The following PTBP3 variants were observed in gnomAD, a reference collection of about 807,000 sequenced individuals.
PTBP3 encodes polypyrimidine tract-binding protein 3.
Under a neutral mutation model 58.7 loss-of-function variants are expected in PTBP3, and 20 were observed. The observed-to-expected ratio is 0.34, with a 90% CI of 0.24 to 0.50. The LOEUF is 0.50. PTBP3 is among the 20% of genes least tolerant of loss of function. The probability of loss-of-function intolerance (pLI) is 0.98; values close to 1 mark genes in which losing one functional copy is unlikely to be tolerated. For missense variants in PTBP3, 509 were observed against 637.2 expected (o/e 0.80, Z 2.17); for synonymous variants, 185 against 219.8 (o/e 0.84, Z 1.40).
chr9:112,301,028 T>C (rs1413871432), intron 1 of PTBP3, among the ~76,000 whole-genome samples: 1 of 151,820 alleles, frequency 6.6e-6, no homozygotes, highest in Non-Finnish European at 1.5e-5. Flanking sequence ...TTGTCAAATA[T>C]AAAAACTTTT....
intron 1 of PTBP3, among the ~76,000 whole-genome samples, chr9:112,300,836 C>A (rs1456518638): frequency 1.3e-5 from 2 of 152,032 alleles, no homozygotes; most frequent in African/African-American, 4.8e-5. Flanking sequence ...GTGGCTCACA[C>A]CTGTATTCCC....
Position 112,222,628 on chromosome 9 carries a change from T to C in PTBP3, c.*1223A>G, listed in dbSNP as rs1401777164. The C allele has an allele frequency of 3.0e-6, 3 of 985,620 alleles. No homozygotes were observed. Among genetic ancestry groups the C allele is most frequent in the Non-Finnish European group, 3.6e-6 (3 of 829,906 alleles). The allele number at this position is 985,620 out of a possible 1,614,324, so 61.1% of individuals were successfully genotyped here. The stretch of plus-strand genomic sequence containing the variant: ...CGTCTCTGCACCAAGCACCAAAAAT[T>C]TGATAAAAACTATTACTTATTGAAA... On this transcript the variant is annotated 3_prime_UTR_variant, in exon 14 of 14. Coordinates refer to ENST00000374257, the MANE Select transcript of PTBP3 (RefSeq NM_001163788.4).
chr9:112,223,843 C>A lies in PTBP3; in HGVS notation c.*8G>T, dbSNP rs1161817810. 1.2e-6 allele frequency: 2 copies of A among 1,613,176 alleles called. No homozygotes were observed. The highest frequency in any genetic ancestry group is 1.7e-6 in the Non-Finnish European group (2 of 1,179,554). On this transcript the variant is annotated 3_prime_UTR_variant, in exon 14 of 14. Transcript: ENST00000374257. Reference sequence around the variant, plus strand: ...GGTCCAGTTTTAGGAGAAAAATTCACAGAAAAGTCAGATTGTAGATTTTGA... The same window carrying A: ...GGTCCAGTTTTAGGAGAAAAATTCAAAGAAAAGTCAGATTGTAGATTTTGA...
chr9:112,236,335 A>G (rs187060858), intron 7 of PTBP3, among the ~76,000 whole-genome samples: 43 of 152,200 alleles, frequency 2.8e-4, no homozygotes, highest in Non-Finnish European at 4.1e-4. Flanking sequence ...ATACATGTTG[A>G]GAGCATATCA....
In PTBP3 at chr9:112,227,614, T is replaced by TA; in HGVS notation, c.1160dup (p.Ser388LysfsTer34). ...CTTTCCCATAAAGTCTCTGACCACT[T>TA]AGATGGTTCATTGCTAGTGCATGGG... On this transcript the variant is annotated frameshift_variant, in exon 12 of 14. Transcript: ENST00000374257. LOFTEE classifies it high-confidence loss of function. 1 of 1,613,878 alleles carries TA rather than the reference T, an allele frequency of 6.2e-7. No homozygotes were observed. The highest frequency in any genetic ancestry group is 8.5e-7 in the Non-Finnish European group (1 of 1,179,828).
the PTBP3 span, among the ~76,000 whole-genome samples, chr9:112,340,855 A>G: frequency 4.4e-3 from 656 of 149,090 alleles, 13 homozygotes; most frequent in African/African-American, 0.016. Context: ...CCGCTTGGGC[A>G]ACAAGAGCGA....
chr9:112,243,019 T>C (rs1035236049), intron 7 of PTBP3, among the ~76,000 whole-genome samples: 13 of 152,154 alleles, frequency 8.5e-5, no homozygotes, highest in Admixed American at 3.3e-4. Flanking sequence ...ATTGACCACA[T>C]CTGTGGATCT....
chr9:112,331,349 T>C (rs1319512383), intron 1 of PTBP3, among the ~76,000 whole-genome samples: 1 of 152,190 alleles, frequency 6.6e-6, no homozygotes, highest in Non-Finnish European at 1.5e-5. Flanking sequence ...CATACAAAAA[T>C]TCTTCTCTTC....
At chr9:112,357,614 G>A in the PTBP3 span, among the ~76,000 whole-genome samples, 1 of 152,218 alleles carries the variant, frequency 6.6e-6, no homozygotes, top group East Asian at 1.9e-4. Flanking sequence ...TTCCCAAAGT[G>A]TTGGGATTAC....
chr9:112,267,730 T>A (rs1007348581), intron 4 of PTBP3, among the ~76,000 whole-genome samples: 4 of 137,752 alleles, frequency 2.9e-5, no homozygotes, highest in African/African-American at 9.7e-5. Flanking sequence ...AATGCTTTTG[T>A]TAGAGTCTGT....
rs1303240278 is a variant in PTBP3 at position 112,219,728 on chromosome 9, A to C, written c.*4123T>G. 6.5e-6 allele frequency: 1 copy of C among 152,830 alleles called. No individual in the cohort carries two copies. The highest frequency in any genetic ancestry group is 2.4e-5 in the African/African-American group (1 of 41,464). The allele number at this position is 152,830 out of a possible 1,614,324, so 9.5% of individuals were successfully genotyped here. ...ATATTTCCTGAAAACCAGAATACTG[A>C]TACTACTTTAGTCTCAAATAGGAAG... On this transcript the variant is annotated 3_prime_UTR_variant, in exon 14 of 14. Coordinates refer to ENST00000374257, the MANE Select transcript of PTBP3 (RefSeq NM_001163788.4).
intron 2 of PTBP3, among the ~76,000 whole-genome samples, chr9:112,279,409 A>AT (rs1367956674): frequency 6.6e-6 from 1 of 152,184 alleles, no homozygotes; most frequent in Non-Finnish European, 1.5e-5. Context: ...AAAATTCATA[A>AT]TATTCCCACC....
intron 1 of PTBP3, among the ~76,000 whole-genome samples, chr9:112,328,965 C>A (rs1830263132): frequency 6.6e-6 from 1 of 152,190 alleles, no homozygotes; most frequent in Admixed American, 6.5e-5. Flanking sequence ...TGAATTATTT[C>A]TTTCTACAAT....
intron 1 of PTBP3, among the ~76,000 whole-genome samples, chr9:112,312,369 T>C (rs541124677): frequency 2.0e-5 from 3 of 152,024 alleles, no homozygotes; most frequent in African/African-American, 7.2e-5. Context: ...TGGTGGTGCA[T>C]GCCTGTGGTC....
intron 2 of PTBP3, among the ~76,000 whole-genome samples, chr9:112,295,419 G>GAAA (rs36030832): frequency 7.0e-6 from 1 of 142,512 alleles, no homozygotes. Flanking sequence ...AAGATTGGAG[G>GAAA]AAAAAAAAAA....
intron 4 of PTBP3, among the ~76,000 whole-genome samples, chr9:112,267,191 A>G (rs1295648031): frequency 1.4e-5 from 2 of 148,120 alleles, no homozygotes; most frequent in African/African-American, 2.5e-5. Flanking sequence ...TTTTTGAGAC[A>G]GAGTCTCGCT....
intron 1 of PTBP3, among the ~76,000 whole-genome samples, chr9:112,322,221 G>C (rs73543895): frequency 0.046 from 6,960 of 150,310 alleles, 395 homozygotes; most frequent in African/African-American, 0.14. Flanking sequence ...ATACACCCAA[G>C]AGCAAGAGCT....
At chr9:112,277,921 CATAACATAACATAACATAACATAAT>C (rs1401143111) in intron 2 of PTBP3, among the ~76,000 whole-genome samples, 1,782 of 130,870 alleles carry the variant, frequency 0.014, 39 homozygotes, top group African/African-American at 0.039. Flanking sequence ...CATAACATAA[CATAACATAACATAACATAACATAAT>C]ATAACATAAC....
At chr9:112,368,800 G>T in the PTBP3 span, among the ~76,000 whole-genome samples, 1 of 152,278 alleles carries the variant, frequency 6.6e-6, no homozygotes, top group African/African-American at 2.4e-5. Flanking sequence ...GACAACGGGG[G>T]AAAATGTCTC....
Sources: gnomAD v4.1 joint callset for allele counts (sites outside exome capture counted in the v4.1 genomes callset) on GRCh38, gnomAD v4.1.1 for gene constraint, MANE v1.5 for transcripts, NCBI Gene and HGNC (gene_info 2026-07-23, HGNC 2026-07-21) for gene names.